Variants in TRIO observed in about 807,000 individuals in gnomAD.
TRIO encodes triple functional domain protein.
Under a neutral mutation model 351.9 loss-of-function variants are expected in TRIO, and 58 were observed. The observed-to-expected ratio is 0.16, with a 90% confidence interval of 0.13 to 0.21. TRIO has a LOEUF of 0.21. Among genes scored for constraint, TRIO ranks in the 10% least tolerant of loss-of-function variants. The probability of loss-of-function intolerance (pLI) is 1.00; values close to 1 mark genes in which losing one functional copy is unlikely to be tolerated. For missense variants in TRIO, 3,201 were observed against 4,027.8 expected (o/e 0.79, Z 5.56); for synonymous variants, 1,758 against 1,595.7 (o/e 1.10, Z -2.42).
intron 1 of TRIO, among the ~76,000 whole-genome samples, chr5:14,251,234 G>A (rs1455120906): frequency 6.6e-6 from 1 of 152,132 alleles, no homozygotes; most frequent in Non-Finnish European, 1.5e-5. Context: ...TTTTAAAAGT[G>A]AAACTGTCTT....
chr5:14,403,273 T>TGTG (rs1390442648), intron 31 of TRIO, among the ~76,000 whole-genome samples: 1 of 82,174 alleles, frequency 1.2e-5, no homozygotes. Flanking sequence ...GGGTGCAGGT[T>TGTG]GTGGTGAGGG....
intron 34 of TRIO, among the ~76,000 whole-genome samples, chr5:14,430,428 CAAAT>C: frequency 6.6e-6 from 1 of 152,048 alleles, no homozygotes; most frequent in Non-Finnish European, 1.5e-5. Flanking sequence ...CTCCACATAA[CAAAT>C]AAATGGCAGT....
At chr5:14,212,041 AG>A (rs1419426105) in intron 1 of TRIO, among the ~76,000 whole-genome samples, 2 of 151,958 alleles carry the variant, frequency 1.3e-5, no homozygotes, top group African/African-American at 4.8e-5. Context: ...TGGGAGGCTG[AG>A]GTTGGAGGAT....
chr5:14,370,234 T>C (rs1027203804), intron 18 of TRIO, among the ~76,000 whole-genome samples: 3 of 152,076 alleles, frequency 2.0e-5, no homozygotes, highest in African/African-American at 7.2e-5. Context: ...TAAGCGGTCC[T>C]CCCGCTTCAG....
chr5:14,365,203 G>C (rs186733830), intron 15 of TRIO, among the ~76,000 whole-genome samples: 1 of 152,306 alleles, frequency 6.6e-6, no homozygotes, highest in East Asian at 1.9e-4. Context: ...AGATGCCTGG[G>C]GCATTTCTTT....
intron 1 of TRIO, among the ~76,000 whole-genome samples, chr5:14,173,493 T>C (rs1398989431): frequency 6.6e-6 from 1 of 152,096 alleles, no homozygotes; most frequent in Non-Finnish European, 1.5e-5. Context: ...ATTACAGGTG[T>C]GAGTCACCGC....
intron 1 of TRIO, among the ~76,000 whole-genome samples, chr5:14,170,953 AATGAAG>A (rs1185018693): frequency 1.3e-5 from 2 of 152,206 alleles, no homozygotes; most frequent in Non-Finnish European, 2.9e-5. Flanking sequence ...TGTTAGATGA[AATGAAG>A]ATGGAATATT....
chr5:14,499,651 G>A (rs996859471), intron 53 of TRIO, among the ~76,000 whole-genome samples: 2 of 151,816 alleles, frequency 1.3e-5, no homozygotes, highest in African/African-American at 4.8e-5. Context: ...CTAGAATTTG[G>A]CAGTAAACAA....
At chr5:14,290,301 G>A (rs994352179) in intron 4 of TRIO, among the ~76,000 whole-genome samples, 1 of 152,228 alleles carries the variant, frequency 6.6e-6, no homozygotes, top group African/African-American at 2.4e-5. Context: ...TTTCTGGCAT[G>A]GATGAAAAAG....
intron 54 of TRIO, among the ~76,000 whole-genome samples, chr5:14,503,469 T>A (rs1297065179): frequency 6.6e-6 from 1 of 152,252 alleles, no homozygotes; most frequent in Non-Finnish European, 1.5e-5. Context: ...ATTATTCTGT[T>A]GGCCTCTCCT....
intron 34 of TRIO, among the ~76,000 whole-genome samples, chr5:14,427,988 C>T (rs1317232970): frequency 6.6e-6 from 1 of 152,182 alleles, no homozygotes; most frequent in African/African-American, 2.4e-5. Context: ...TGTGACCAAA[C>T]CCGGAGCTTG....
At chr5:14,486,375 A>G (rs2126629436) in intron 47 of TRIO, among the ~76,000 whole-genome samples, 1 of 152,336 alleles carries the variant, frequency 6.6e-6, no homozygotes, top group East Asian at 1.9e-4. Context: ...CTCAAGCCTC[A>G]TGGCATTTTT....
At chr5:14,404,281 C>G (rs186722187) in intron 31 of TRIO, among the ~76,000 whole-genome samples, 1 of 151,972 alleles carries the variant, frequency 6.6e-6, no homozygotes, top group Non-Finnish European at 1.5e-5. Context: ...AAGCAGATTG[C>G]GACTACCCAG....
chr5:14,410,841 C>T (rs956840284), intron 33 of TRIO, among the ~76,000 whole-genome samples: 2 of 152,170 alleles, frequency 1.3e-5, no homozygotes, highest in African/African-American at 2.4e-5. Flanking sequence ...AGCCAGGCCA[C>T]GGCCATGAGC....
At position 14,287,223 on chromosome 5, in the gene TRIO, CAG is replaced by C. The variant is rs1301138256; in HGVS notation, c.540+163_540+164del. 32 of 706,270 alleles carry C rather than the reference CAG, an allele frequency of 4.5e-5. 1 individual carries two copies. The highest frequency in any genetic ancestry group is 6.8e-4 in the Middle Eastern group (2 of 2,940). The allele number at this position is 706,270 out of a possible 1,614,324, so 43.8% of individuals were successfully genotyped here. ...TAAAATTAGTTACTGCATGAAATAA[CAG>C]AGCTGCGTTCATCATCCGAGTGGAT... On this transcript the variant is annotated intron_variant, in intron 4 of 56. Transcript: ENST00000344204.
intron 11 of TRIO, among the ~76,000 whole-genome samples, chr5:14,354,152 A>C (rs115628698): frequency 6.6e-6 from 1 of 152,160 alleles, no homozygotes; most frequent in African/African-American, 2.4e-5. Flanking sequence ...CCTGACCCCT[A>C]CTGTCTGAGC....
chr5:14,375,035 A>G (rs1561409794), intron 19 of TRIO, among the ~76,000 whole-genome samples: 1 of 152,240 alleles, frequency 6.6e-6, no homozygotes, highest in African/African-American at 2.4e-5. Context: ...CAAATGATTC[A>G]TCTCACACTT....
intron 5 of TRIO, among the ~76,000 whole-genome samples, chr5:14,292,616 A>G (rs1737006804): frequency 6.6e-6 from 1 of 152,258 alleles, no homozygotes; most frequent in South Asian, 2.1e-4. Context: ...GAACCCATCC[A>G]GAGACCCATA....
Position 14,294,517 on chromosome 5 carries a change from A to G in TRIO, c.1176+1383A>G, listed in dbSNP as rs191642268. On this transcript the variant is annotated intron_variant, in intron 6 of 56. Transcript: ENST00000344204. Reference sequence around the variant, plus strand: ...TGCTATGCCACATACTTTAAAAACTAGAAATACTAAAATATGTGCTAGAAA... The same window carrying G: ...TGCTATGCCACATACTTTAAAAACTGGAAATACTAAAATATGTGCTAGAAA... Among the ~76,000 whole-genome samples the G allele has an allele frequency of 2.9e-3, 443 of 152,348 alleles. 2 individuals carry two copies. Among genetic ancestry groups the G allele is most frequent in the Non-Finnish European group, 4.9e-3 (335 of 68,036 alleles).
Sources: gnomAD v4.1 joint callset for allele counts (sites outside exome capture counted in the v4.1 genomes callset) on GRCh38, gnomAD v4.1.1 for gene constraint, MANE v1.5 for transcripts, NCBI Gene and HGNC (gene_info 2026-07-23, HGNC 2026-07-21) for gene names.